The following SUMF1 variants were observed in gnomAD, a reference collection of about 807,000 sequenced individuals.
SUMF1 encodes sulfatase modifying factor 1.
SUMF1 carries 48 observed loss-of-function variants against 47.6 expected under a neutral mutation model. The observed-to-expected ratio is 1.01, with a 90% confidence interval of 0.80 to 1.28. The LOEUF (loss-of-function observed/expected upper bound fraction) is 1.28. Among genes scored for constraint, SUMF1 ranks in the 50% most tolerant of loss-of-function variants. The pLI is 0.00. For missense variants in SUMF1, 571 were observed against 485.4 expected (o/e 1.18, Z -1.66); for synonymous variants, 230 against 192.1 (o/e 1.20, Z -1.63).
intron 8 of SUMF1, chr3:4,303,488 G>C: frequency 6.7e-7 from 1 of 1,497,194 alleles, no homozygotes; most frequent in Non-Finnish European, 8.9e-7. Flanking sequence ...CTTGCCGGTG[G>C]GCGCGTGGCC....
intron 7 of SUMF1, among the ~76,000 whole-genome samples, chr3:4,382,752 G>A (rs921560071): frequency 6.6e-6 from 1 of 152,180 alleles, no homozygotes; most frequent in Non-Finnish European, 1.5e-5. Context: ...AAAAAAGGAT[G>A]AGCTCATGTC....
At chr3:4,454,122 A>T (rs889523536) in intron 1 of SUMF1, among the ~76,000 whole-genome samples, 1 of 152,208 alleles carries the variant, frequency 6.6e-6, no homozygotes, top group African/African-American at 2.4e-5. Context: ...TCACTAAAAT[A>T]GAAAGTTTTA....
intron 8 of SUMF1, among the ~76,000 whole-genome samples, chr3:4,177,972 CTG>C: frequency 6.6e-6 from 1 of 152,096 alleles, no homozygotes; most frequent in African/African-American, 2.4e-5. Flanking sequence ...ACACATACAC[CTG>C]CTGAAGACTA....
chr3:4,233,133 A>G lies in SUMF1; in HGVS notation c.1014+143197T>C, dbSNP rs533650829. ...TAGGAAGCCTCATCCTCAGATCCCA[A>G]AAACAAATGGGATGTTTGGCAGCAG... On this transcript the variant is annotated intron_variant and NMD_transcript_variant, in intron 8 of 12. Coordinates refer to the SUMF1 transcript ENST00000448413. Among the ~76,000 whole-genome samples the G allele has an allele frequency of 3.3e-5, 5 of 152,250 alleles. No homozygotes were observed. The East Asian group carries it at 9.7e-4, about 29-fold the overall frequency.
At chr3:4,165,371 C>A (rs2587955) in intron 8 of SUMF1, among the ~76,000 whole-genome samples, 2 of 151,826 alleles carry the variant, frequency 1.3e-5, no homozygotes, top group South Asian at 2.1e-4. Context: ...GAAGAGGACA[C>A]AACCAATAGC....
intron 8 of SUMF1, among the ~76,000 whole-genome samples, chr3:4,270,137 G>A (rs1697274194): frequency 6.6e-6 from 1 of 152,122 alleles, no homozygotes; most frequent in Non-Finnish European, 1.5e-5. Context: ...AGAAACTGGG[G>A]TCAGAGCCGG....
At chr3:4,196,529 G>C (rs1670046824) in intron 8 of SUMF1, among the ~76,000 whole-genome samples, 1 of 152,050 alleles carries the variant, frequency 6.6e-6, no homozygotes, top group African/African-American at 2.4e-5. Flanking sequence ...CCTAGCCCTG[G>C]CACCTCCATT....
intron 7 of SUMF1, among the ~76,000 whole-genome samples, chr3:4,384,351 C>T (rs930907715): frequency 1.3e-5 from 2 of 152,180 alleles, no homozygotes; most frequent in African/African-American, 4.8e-5. Flanking sequence ...TCCCCAATGG[C>T]AACATCTTCC....
intron 8 of SUMF1, among the ~76,000 whole-genome samples, chr3:4,149,919 CATATTT>C (rs1317463575): frequency 6.6e-6 from 1 of 152,046 alleles, no homozygotes; most frequent in Non-Finnish European, 1.5e-5. Context: ...TCAATGGGTA[CATATTT>C]ATAACAGTTG....
At chr3:4,416,359 C>T (rs1318663199) in intron 6 of SUMF1, among the ~76,000 whole-genome samples, 1 of 151,804 alleles carries the variant, frequency 6.6e-6, no homozygotes, top group Non-Finnish European at 1.5e-5. Flanking sequence ...TTATTTATGA[C>T]AGGTTATCCA....
intron 8 of SUMF1, among the ~76,000 whole-genome samples, chr3:4,151,708 AAAAAAAATCAC>A (rs1694340129): frequency 6.6e-6 from 1 of 150,734 alleles, no homozygotes; most frequent in African/African-American, 2.5e-5. Context: ...AGCTAAAAAA[AAAAAAAATCAC>A]AAAAAAATCT....
intron 8 of SUMF1, among the ~76,000 whole-genome samples, chr3:4,253,276 G>T (rs1351161877): frequency 6.6e-6 from 1 of 152,172 alleles, no homozygotes; most frequent in Non-Finnish European, 1.5e-5. Context: ...GGCCGAATAG[G>T]AACAGCTCCG....
chr3:4,212,406 C>T (rs1343571908), intron 8 of SUMF1, among the ~76,000 whole-genome samples: 4 of 152,020 alleles, frequency 2.6e-5, no homozygotes, highest in Admixed American at 1.3e-4. Context: ...CCCTATCCGA[C>T]GGTCACCAAC....
intron 8 of SUMF1, among the ~76,000 whole-genome samples, chr3:4,349,992 G>A (rs1176530372): frequency 1.3e-5 from 2 of 150,266 alleles, no homozygotes; most frequent in African/African-American, 2.5e-5. Flanking sequence ...TATATATTAC[G>A]TATTATTTTC....
At chr3:4,345,728 A>G (rs1227078161) in intron 8 of SUMF1, among the ~76,000 whole-genome samples, 1 of 152,210 alleles carries the variant, frequency 6.6e-6, no homozygotes, top group Non-Finnish European at 1.5e-5. Flanking sequence ...CAGTTAAAAG[A>G]CACAGGCTGG....
rs1156335925 is a variant in SUMF1 at position 4,376,192 on chromosome 3, C to T, written c.1014+138G>A. The T allele has an allele frequency of 1.1e-5, 11 of 1,046,310 alleles. No homozygotes were observed. In the Admixed American group the frequency reaches 1.5e-4, roughly 15 times the overall value. 64.8% of individuals were successfully genotyped at this position (1,046,310 alleles called of 1,614,324 possible). ...TGTAACCAAATTTGAGATGACTGTC[C>T]TCCTTTTTTTCTGGTTTCAGTGGGG... On this transcript the variant is annotated intron_variant, in intron 8 of 8. Coordinates refer to ENST00000272902, the MANE Select transcript of SUMF1 (RefSeq NM_182760.4).
chr3:4,456,895 T>TAC (rs1575249155), intron 1 of SUMF1, among the ~76,000 whole-genome samples: 6 of 115,252 alleles, frequency 5.2e-5, no homozygotes, highest in South Asian at 2.8e-4. Flanking sequence ...TGTATATATA[T>TAC]GTGTGTGTAT....
intron 8 of SUMF1, among the ~76,000 whole-genome samples, chr3:4,090,097 C>T (rs1692752260): frequency 6.6e-6 from 1 of 152,114 alleles, no homozygotes; most frequent in Non-Finnish European, 1.5e-5. Context: ...CAGTGCCTGG[C>T]CATAGCAGGT....
chr3:4,159,281 T>C (rs1694521772), intron 8 of SUMF1, among the ~76,000 whole-genome samples: 1 of 149,532 alleles, frequency 6.7e-6, no homozygotes, highest in African/African-American at 2.5e-5. Flanking sequence ...GTATTTTTTT[T>C]TTTATTTTTT....
Sources: gnomAD v4.1 joint callset for allele counts (sites outside exome capture counted in the v4.1 genomes callset) on GRCh38, gnomAD v4.1.1 for gene constraint, MANE v1.5 for transcripts, NCBI Gene and HGNC (gene_info 2026-07-23, HGNC 2026-07-21) for gene names.